Variants in RARB observed in about 807,000 individuals in gnomAD.
RARB encodes the protein HBV-activated protein.
In RARB, 17 loss-of-function variants were observed where a neutral mutation model predicts 51.9. That is an observed-to-expected ratio of 0.33 (90% CI 0.22 to 0.49). The LOEUF is 0.49. Among genes scored for constraint, RARB ranks in the 20% least tolerant of loss-of-function variants. The probability of loss-of-function intolerance (pLI) is 0.99; values close to 1 mark genes in which losing one functional copy is unlikely to be tolerated. For synonymous variants in RARB, 215 were observed against 195.4 expected (o/e 1.10, Z -0.84); for missense variants, 369 against 550.8 (o/e 0.67, Z 3.30).
At chr3:25,101,404 G>T (rs1032045969) in intron 3 of RARB, among the ~76,000 whole-genome samples, 4 of 152,176 alleles carry the variant, frequency 2.6e-5, no homozygotes, top group South Asian at 2.1e-4. Context: ...ATGAGTTTTT[G>T]TAAAAACGTG....
In RARB at chr3:25,547,243, C is replaced by G. The variant is rs1047983541; in HGVS notation, c.449-22515C>G. ...TACTAAGACTCACCAATATAAGCCT[C>G]TCTTCCTCCCTGGGAAAATGAGAAA... On this transcript the variant is annotated intron_variant, in intron 3 of 7. Coordinates refer to ENST00000330688, the MANE Select transcript of RARB (RefSeq NM_000965.5). Among the ~76,000 whole-genome samples the G allele has an allele frequency of 2.0e-5, 3 of 152,176 alleles. No homozygotes were observed. In the South Asian group the frequency reaches 6.2e-4, roughly 32 times the overall value.
chr3:25,206,338 C>G (rs1265753292), intron 5 of RARB, among the ~76,000 whole-genome samples: 1 of 152,148 alleles, frequency 6.6e-6, no homozygotes, highest in Non-Finnish European at 1.5e-5. Flanking sequence ...AAGAGGAAAT[C>G]TCGAATGTTT....
At chr3:25,219,727 C>A (rs1370998703) in intron 5 of RARB, among the ~76,000 whole-genome samples, 1 of 152,172 alleles carries the variant, frequency 6.6e-6, no homozygotes, top group Non-Finnish European at 1.5e-5. Flanking sequence ...TCATGAACCA[C>A]AACTTCTAGG....
At chr3:25,154,787 C>G (rs1198420994) in intron 4 of RARB, among the ~76,000 whole-genome samples, 1 of 152,240 alleles carries the variant, frequency 6.6e-6, no homozygotes, top group Admixed American at 6.5e-5. Flanking sequence ...CTTTCCCCAA[C>G]CAGTCCTTTG....
chr3:25,001,200 A>G (rs1697151390), intron 2 of RARB, among the ~76,000 whole-genome samples: 1 of 151,980 alleles, frequency 6.6e-6, no homozygotes, highest in African/African-American at 2.4e-5. Context: ...ACTGCTTAAA[A>G]TAAATAAATA....
intron 5 of RARB, among the ~76,000 whole-genome samples, chr3:25,381,161 T>C (rs1390197496): frequency 6.6e-6 from 1 of 152,224 alleles, no homozygotes; most frequent in Non-Finnish European, 1.5e-5. Context: ...TGCTCTGTTA[T>C]AGTTACTAGG....
At chr3:25,347,735 A>C (rs1005141464) in intron 5 of RARB, among the ~76,000 whole-genome samples, 1 of 152,198 alleles carries the variant, frequency 6.6e-6, no homozygotes, top group South Asian at 2.1e-4. Flanking sequence ...GTATTTTATG[A>C]AGAAGGGAAT....
chr3:25,470,233 C>T (rs1326870171), intron 2 of RARB, among the ~76,000 whole-genome samples: 1 of 151,476 alleles, frequency 6.6e-6, no homozygotes, highest in African/African-American at 2.4e-5. Context: ...GGGAGGAAAA[C>T]AAAAAGTTTT....
At chr3:25,438,192 C>T (rs1708512163) in intron 1 of RARB, among the ~76,000 whole-genome samples, 1 of 152,094 alleles carries the variant, frequency 6.6e-6, no homozygotes, top group Admixed American at 6.6e-5. Flanking sequence ...AGCAGTATTC[C>T]GAGAGAGAGT....
Position 25,576,052 on chromosome 3 carries a change from C to T in RARB, c.610-4494C>T, listed in dbSNP as rs1700914326. Among the ~76,000 whole-genome samples, 4 of 152,026 alleles carry T rather than the reference C, an allele frequency of 2.6e-5. No individual in the cohort carries two copies. The South Asian group carries it at 8.3e-4, about 32-fold the overall frequency. The stretch of plus-strand genomic sequence containing the variant: ...CACTGTGCTAAGTACCCACATTCTT[C>T]CTCAGTGATGGAATAAGGGAAAGAC... On this transcript the variant is annotated intron_variant, in intron 4 of 7. Transcript: ENST00000330688.
chr3:24,909,999 G>T (rs913115636), intron 2 of RARB, among the ~76,000 whole-genome samples: 1 of 151,972 alleles, frequency 6.6e-6, no homozygotes, highest in Non-Finnish European at 1.5e-5. Context: ...GCTTTTAATT[G>T]TTCTAGCCAG....
At chr3:24,947,220 C>A (rs1695794490) in intron 2 of RARB, among the ~76,000 whole-genome samples, 1 of 152,174 alleles carries the variant, frequency 6.6e-6, no homozygotes, top group Non-Finnish European at 1.5e-5. Context: ...TTGTGTTTAT[C>A]TTCTATGTCT....
At chr3:25,275,187 C>T (rs1358757196) in intron 5 of RARB, among the ~76,000 whole-genome samples, 2 of 152,118 alleles carry the variant, frequency 1.3e-5, no homozygotes, top group African/African-American at 4.8e-5. Flanking sequence ...TCTGGCTAGG[C>T]GCGGTGGCTC....
intron 5 of RARB, among the ~76,000 whole-genome samples, chr3:25,277,263 A>G (rs1332551755): frequency 6.6e-6 from 1 of 152,206 alleles, no homozygotes; most frequent in Non-Finnish European, 1.5e-5. Context: ...TAGGCCAACA[A>G]GAGCCAATGA....
At chr3:25,187,120 G>C (rs1700997344) in intron 5 of RARB, among the ~76,000 whole-genome samples, 1 of 151,988 alleles carries the variant, frequency 6.6e-6, no homozygotes, top group Non-Finnish European at 1.5e-5. Context: ...TATTGGGAGG[G>C]AACCTCTCAA....
intron 4 of RARB, among the ~76,000 whole-genome samples, chr3:25,159,257 C>T (rs1207276300): frequency 1.3e-5 from 2 of 150,272 alleles, no homozygotes; most frequent in Non-Finnish European, 3.0e-5. Flanking sequence ...TCCACCTCCC[C>T]CTCCCCGGTT....
intron 3 of RARB, among the ~76,000 whole-genome samples, chr3:25,551,390 A>G (rs747822764): frequency 3.3e-5 from 5 of 152,224 alleles, no homozygotes; most frequent in Non-Finnish European, 7.3e-5. Context: ...TTTGAGAAAC[A>G]GTAGATAGAC....
intron 2 of RARB, among the ~76,000 whole-genome samples, chr3:24,943,195 C>T (rs115479512): frequency 0.011 from 1,691 of 152,180 alleles, 31 homozygotes; most frequent in African/African-American, 0.039. Context: ...AAAATACTTC[C>T]GAGTTTAGGG....
At chr3:25,237,851 C>G (rs1444036738) in intron 5 of RARB, among the ~76,000 whole-genome samples, 1 of 152,106 alleles carries the variant, frequency 6.6e-6, no homozygotes, top group Non-Finnish European at 1.5e-5. Context: ...TATATGAAAT[C>G]ATACAATATA....
Sources: gnomAD v4.1 joint callset for allele counts (sites outside exome capture counted in the v4.1 genomes callset) on GRCh38, gnomAD v4.1.1 for gene constraint, MANE v1.5 for transcripts, NCBI Gene and HGNC (gene_info 2026-07-23, HGNC 2026-07-21) for gene names.